Variants in UVRAG observed in about 807,000 individuals in gnomAD.
UVRAG encodes UV radiation resistance-associated gene protein.
UVRAG carries 19 observed loss-of-function variants against 78.0 expected under a neutral mutation model. The observed-to-expected ratio is 0.24, with a 90% CI of 0.17 to 0.36. The LOEUF is 0.36. Ranked by LOEUF, UVRAG falls within the 10% of genes least tolerant of loss-of-function variation. The pLI, the probability that UVRAG is intolerant of heterozygous loss-of-function variation, is 1.00. For missense variants in UVRAG, 740 were observed against 853.8 expected (o/e 0.87, Z 1.66); for synonymous variants, 323 against 324.6 (o/e 1.00, Z 0.05).
intron 6 of UVRAG, among the ~76,000 whole-genome samples, chr11:75,947,839 G>A (rs76459005): frequency 1.4e-4 from 22 of 152,290 alleles, no homozygotes; most frequent in Non-Finnish European, 1.8e-4. Context: ...AGAATTAAAT[G>A]AAATATCCAT....
intron 13 of UVRAG, among the ~76,000 whole-genome samples, chr11:76,070,068 A>C (rs1439021227): frequency 6.6e-6 from 1 of 152,178 alleles, no homozygotes; most frequent in Non-Finnish European, 1.5e-5. Flanking sequence ...AATTTTAAAA[A>C]TTGTGATACA....
At chr11:76,035,681 A>G (rs1950519770) in intron 12 of UVRAG, among the ~76,000 whole-genome samples, 1 of 152,238 alleles carries the variant, frequency 6.6e-6, no homozygotes, top group Non-Finnish European at 1.5e-5. Context: ...AAGAACAGTA[A>G]CAACAATTAA....
chr11:75,910,819 T>G (rs1389980502), intron 5 of UVRAG, among the ~76,000 whole-genome samples: 2 of 152,210 alleles, frequency 1.3e-5, no homozygotes, highest in Non-Finnish European at 2.9e-5. Flanking sequence ...GAAAGTATCC[T>G]TGCTACTTTG....
chr11:75,938,972 C>G (rs1565389476), intron 6 of UVRAG, among the ~76,000 whole-genome samples: 1 of 152,176 alleles, frequency 6.6e-6, no homozygotes, highest in Non-Finnish European at 1.5e-5. Context: ...TGGAAACTTT[C>G]TCTAAGCATT....
At chr11:75,984,064 C>T (rs183764066) in intron 8 of UVRAG, among the ~76,000 whole-genome samples, 45 of 152,224 alleles carry the variant, frequency 3.0e-4, no homozygotes, top group African/African-American at 9.4e-4. Flanking sequence ...GATGATTTAA[C>T]GTACGATTTT....
chr11:75,967,504 T>C (rs1476763024), intron 7 of UVRAG, among the ~76,000 whole-genome samples: 4 of 152,220 alleles, frequency 2.6e-5, no homozygotes, highest in East Asian at 1.9e-4. Flanking sequence ...CTGATTGTTA[T>C]TTATTTTCAA....
intron 9 of UVRAG, among the ~76,000 whole-genome samples, 194 bp from the exon 10 acceptor site, chr11:76,007,340 A>G (rs1949963716): frequency 1.3e-5 from 2 of 152,226 alleles, no homozygotes; most frequent in South Asian, 2.1e-4. Flanking sequence ...CACTCAGTAT[A>G]TAGTTAGCTT....
At chr11:75,989,042 AT>A (rs574678564) in intron 8 of UVRAG, among the ~76,000 whole-genome samples, 36 of 151,820 alleles carry the variant, frequency 2.4e-4, no homozygotes, top group African/African-American at 8.2e-4. Context: ...GAGTTTATTC[AT>A]CATTTTTTTT....
intron 5 of UVRAG, among the ~76,000 whole-genome samples, chr11:75,892,595 C>T (rs1300275382): frequency 2.0e-5 from 3 of 152,166 alleles, no homozygotes; most frequent in Non-Finnish European, 4.4e-5. Context: ...GATTCAAAAG[C>T]AGATGGTCAG....
chr11:75,934,964 G>C (rs1995893), intron 6 of UVRAG: 21,527 of 152,168 alleles, frequency 0.14, 3,430 homozygotes, highest in African/African-American at 0.39. Context: ...TGTGCCTGAT[G>C]TTGTCTGATC....
intron 8 of UVRAG, among the ~76,000 whole-genome samples, chr11:75,998,465 C>T (rs1238857614): frequency 2.0e-5 from 3 of 152,088 alleles, no homozygotes; most frequent in African/African-American, 7.2e-5. Context: ...CCAGCCTCTG[C>T]CTAAGATGTA....
chr11:76,063,011 C>T (rs1951122835), intron 12 of UVRAG, among the ~76,000 whole-genome samples: 1 of 152,176 alleles, frequency 6.6e-6, no homozygotes, highest in African/African-American at 2.4e-5. Flanking sequence ...CCTGGGATCG[C>T]ATTAGCTTTT....
intron 11 of UVRAG, among the ~76,000 whole-genome samples, chr11:76,009,338 C>A (rs1950007779): frequency 6.6e-6 from 1 of 152,076 alleles, no homozygotes; most frequent in Admixed American, 6.5e-5. Flanking sequence ...TTTCTGTTAT[C>A]TTTTAACTAA....
chr11:76,074,708 T>C (rs1227459625), intron 13 of UVRAG, among the ~76,000 whole-genome samples: 3 of 152,194 alleles, frequency 2.0e-5, no homozygotes, highest in African/African-American at 4.8e-5. Flanking sequence ...AATCCAGTTA[T>C]ATCCTACTAA....
At chr11:75,962,363 T>G (rs1381795154) in intron 7 of UVRAG, among the ~76,000 whole-genome samples, 3 of 152,106 alleles carry the variant, frequency 2.0e-5, no homozygotes, top group African/African-American at 7.2e-5. Flanking sequence ...AATGAAAGCT[T>G]TTTGTTGCCT....
At chr11:75,829,146 T>C (rs1945599978) in intron 1 of UVRAG, among the ~76,000 whole-genome samples, 1 of 152,124 alleles carries the variant, frequency 6.6e-6, no homozygotes, top group Admixed American at 6.5e-5. Flanking sequence ...TCACAGGTAA[T>C]GCACTACAAC....
intron 6 of UVRAG, among the ~76,000 whole-genome samples, chr11:75,960,706 G>A (rs1025013228): frequency 2.6e-5 from 4 of 152,284 alleles, no homozygotes; most frequent in South Asian, 2.1e-4. Context: ...GGTCAAGGCT[G>A]CAGTGAGCCG....
At chr11:76,126,687 GT>G (rs769201234) in intron 14 of UVRAG, among the ~76,000 whole-genome samples, 26 of 152,064 alleles carry the variant, frequency 1.7e-4, no homozygotes, top group Non-Finnish European at 2.9e-5. Flanking sequence ...TCACCTAAAT[GT>G]TTCCTTTTGC....
At chr11:75,816,056 CTT>C (rs1052633048) in intron 1 of UVRAG, among the ~76,000 whole-genome samples, 2 of 152,246 alleles carry the variant, frequency 1.3e-5, no homozygotes, top group Non-Finnish European at 2.9e-5. Context: ...TATTCGGCCT[CTT>C]TAGAGAAATG....
Sources: gnomAD v4.1 joint callset for allele counts (sites outside exome capture counted in the v4.1 genomes callset) on GRCh38, gnomAD v4.1.1 for gene constraint, MANE v1.5 for transcripts, NCBI Gene and HGNC (gene_info 2026-07-23, HGNC 2026-07-21) for gene names.